The following OPCML variants were observed in gnomAD, a reference collection of about 807,000 sequenced individuals.
OPCML encodes the protein opioid-binding protein/cell adhesion molecule.
In OPCML, 13 loss-of-function variants were observed where a neutral mutation model predicts 37.8. The observed-to-expected ratio is 0.34, with a 90% CI of 0.22 to 0.55. The LOEUF (loss-of-function observed/expected upper bound fraction) is 0.55. Among genes scored for constraint, OPCML ranks in the 20% least tolerant of loss-of-function variants. The pLI is 0.91. For synonymous variants in OPCML, 176 were observed against 168.8 expected (o/e 1.04, Z -0.33); for missense variants, 341 against 435.6 (o/e 0.78, Z 1.93).
chr11:132,858,215 C>G (rs1386212332), intron 2 of OPCML, among the ~76,000 whole-genome samples: 1 of 152,248 alleles, frequency 6.6e-6, no homozygotes, highest in Non-Finnish European at 1.5e-5. Context: ...GCACAGCTCT[C>G]AGGCTCTGGG....
chr11:133,286,697 C>T (rs1942309663), intron 1 of OPCML, among the ~76,000 whole-genome samples: 1 of 152,152 alleles, frequency 6.6e-6, no homozygotes, highest in Admixed American at 6.5e-5. Context: ...TCTACCTGCA[C>T]TAACCTCAAG....
chr11:132,733,587 G>C (rs1945156781), intron 2 of OPCML, among the ~76,000 whole-genome samples: 1 of 152,172 alleles, frequency 6.6e-6, no homozygotes. Context: ...GGCCTTTTGA[G>C]GTTCAGCTGG....
At chr11:132,972,742 A>T (rs982912579) in intron 1 of OPCML, among the ~76,000 whole-genome samples, 1 of 152,344 alleles carries the variant, frequency 6.6e-6, no homozygotes, top group Non-Finnish European at 1.5e-5. Flanking sequence ...GCTGCTGAAC[A>T]AAAACAGAAC....
At chr11:133,247,530 C>CCTTCTT (rs1479866063) in intron 1 of OPCML, among the ~76,000 whole-genome samples, 147 of 144,400 alleles carry the variant, frequency 1.0e-3, no homozygotes, top group African/African-American at 3.1e-3. Context: ...TTCTTTCTTT[C>CCTTCTT]TTTCCTTCTT....
chr11:132,668,568 A>G (rs2135808613), intron 2 of OPCML, among the ~76,000 whole-genome samples: 1 of 152,342 alleles, frequency 6.6e-6, no homozygotes, highest in Non-Finnish European at 1.5e-5. Context: ...CTGCTCTATT[A>G]GTACGAGCAC....
intron 1 of OPCML, among the ~76,000 whole-genome samples, chr11:133,199,135 G>C (rs1468270641): frequency 1.3e-5 from 2 of 152,070 alleles, no homozygotes; most frequent in Non-Finnish European, 2.9e-5. Context: ...AGACATTTTG[G>C]GCAAACCTAG....
At chr11:133,033,823 T>A (rs1947716695) in intron 1 of OPCML, among the ~76,000 whole-genome samples, 1 of 152,228 alleles carries the variant, frequency 6.6e-6, no homozygotes, top group African/African-American at 2.4e-5. Context: ...TTTCTAATTA[T>A]GTGGTCACGG....
At chr11:132,908,613 A>C (rs978080996) in intron 2 of OPCML, among the ~76,000 whole-genome samples, 1 of 152,226 alleles carries the variant, frequency 6.6e-6, no homozygotes, top group African/African-American at 2.4e-5. Flanking sequence ...AGACTTGGAC[A>C]ACAGTGTGGT....
chr11:133,511,195 T>G (rs1948149504), intron 1 of OPCML, among the ~76,000 whole-genome samples: 1 of 152,156 alleles, frequency 6.6e-6, no homozygotes. Context: ...CTCTGCAATC[T>G]CCCTGTTCCA....
rs80141040 is a variant in OPCML, at chr11:132,956,735, T to A, written c.62-13725A>T. Among the ~76,000 whole-genome samples the A allele has an allele frequency of 1.4e-3, 208 of 152,300 alleles. 1 individual carries two copies. The highest frequency in any genetic ancestry group is 4.7e-3 in the African/African-American group (197 of 41,558). On this transcript the variant is annotated intron_variant, in intron 1 of 7. Transcript: ENST00000524381. ...CCCACTCCTTAACCCAGCACTGACA[T>A]TGTATTCTGTATTCGACCCTAAAAG...
chr11:132,492,011 G>C (rs1399937814), intron 4 of OPCML, among the ~76,000 whole-genome samples: 1 of 150,730 alleles, frequency 6.6e-6, no homozygotes, highest in Non-Finnish European at 1.5e-5. Context: ...ACTGAAGTGA[G>C]TGAGAGCATG....
At chr11:133,395,310 C>T (rs1406657957) in intron 1 of OPCML, among the ~76,000 whole-genome samples, 3 of 152,104 alleles carry the variant, frequency 2.0e-5, no homozygotes, top group Admixed American at 6.5e-5. Flanking sequence ...TATTTTCTCC[C>T]GTCCTGTGAG....
intron 2 of OPCML, among the ~76,000 whole-genome samples, chr11:132,845,042 C>T (rs1440207221): frequency 6.6e-6 from 1 of 151,538 alleles, no homozygotes; most frequent in Non-Finnish European, 1.5e-5. Context: ...TGTTCACAGC[C>T]ACAAATACAC....
chr11:132,548,914 A>G (rs926871568), intron 3 of OPCML, among the ~76,000 whole-genome samples: 2 of 152,234 alleles, frequency 1.3e-5, no homozygotes, highest in African/African-American at 4.8e-5. Context: ...ATTGTATACA[A>G]AGAGACAATA....
At chr11:133,348,978 G>T (rs1207397328) in intron 1 of OPCML, among the ~76,000 whole-genome samples, 1 of 152,206 alleles carries the variant, frequency 6.6e-6, no homozygotes, top group Non-Finnish European at 1.5e-5. Flanking sequence ...TGTGATCTAA[G>T]CTGTGTGTCA....
intron 2 of OPCML, among the ~76,000 whole-genome samples, chr11:132,914,447 T>C (rs914482789): frequency 2.0e-5 from 3 of 152,240 alleles, no homozygotes; most frequent in African/African-American, 7.2e-5. Flanking sequence ...ATTTACTACA[T>C]GTTACCCAAT....
chr11:133,334,799 C>A (rs905943235), intron 1 of OPCML, among the ~76,000 whole-genome samples: 4 of 152,172 alleles, frequency 2.6e-5, no homozygotes, highest in African/African-American at 9.7e-5. Context: ...TGAGGATTAA[C>A]TTGCAATCTT....
Position 133,458,506 on chromosome 11 carries a change from A to ATATACACATATATACACTGTGTGTG in OPCML, c.61+73733_61+73757dup, listed in dbSNP as rs1565645365. On this transcript the variant is annotated intron_variant, in intron 1 of 7. Coordinates refer to ENST00000524381, the MANE Select transcript of OPCML (RefSeq NM_001012393.5). The stretch of plus-strand genomic sequence containing the variant: ...TACACATATATACACGTGTGTGTGT[A>ATATACACATATATACACTGTGTGTG]TATACACATATATACACTGTGTGTG... Among the ~76,000 whole-genome samples, 73 of 91,450 alleles carry ATATACACATATATACACTGTGTGTG rather than the reference A, an allele frequency of 8.0e-4. 4 individuals are homozygous for ATATACACATATATACACTGTGTGTG. Among genetic ancestry groups the ATATACACATATATACACTGTGTGTG allele is most frequent in the Admixed American group, 8.6e-4 (9 of 10,442 alleles). The allele number at this position is 91,450 out of a possible 152,430, so 60.0% of individuals were successfully genotyped here.
chr11:133,115,248 A>T (rs545038673), intron 1 of OPCML, among the ~76,000 whole-genome samples: 20 of 152,312 alleles, frequency 1.3e-4, no homozygotes, highest in African/African-American at 4.3e-4. Flanking sequence ...ATGAAGCCTC[A>T]TTGCCCTTCA....
Sources: allele counts gnomAD v4.1 joint callset (sites outside exome capture counted in the v4.1 genomes callset), GRCh38; gene constraint gnomAD v4.1.1; transcripts MANE v1.5; gene names NCBI Gene and HGNC (gene_info 2026-07-23, HGNC 2026-07-21).